Variants in VDAC1 observed in about 807,000 individuals in gnomAD.
The protein encoded by VDAC1 is non-selective voltage-gated ion channel VDAC1.
In VDAC1, 10 loss-of-function variants were observed where a neutral mutation model predicts 34.7. That is an observed-to-expected ratio of 0.29 (90% CI 0.18 to 0.49). The LOEUF is 0.49. VDAC1 is among the 20% of genes least tolerant of loss of function. VDAC1 has a pLI of 0.99. For missense variants in VDAC1, 230 were observed against 347.9 expected (o/e 0.66, Z 2.69); for synonymous variants, 130 against 136.0 (o/e 0.96, Z 0.30).
At chr5:134,083,809 C>T in the VDAC1 span, among the ~76,000 whole-genome samples, 1 of 152,238 alleles carries the variant, frequency 6.6e-6, no homozygotes, top group Non-Finnish European at 1.5e-5. Context: ...AGAGGACAGA[C>T]ACTTAGCAGA....
the VDAC1 span, among the ~76,000 whole-genome samples, chr5:134,054,457 C>T: frequency 1.5e-5 from 1 of 66,934 alleles, no homozygotes; most frequent in Non-Finnish European, 2.6e-5. Flanking sequence ...TTCCTTCCTT[C>T]CTTTTTTTTT....
the VDAC1 span, among the ~76,000 whole-genome samples, chr5:134,043,824 C>T: frequency 4.6e-5 from 7 of 152,140 alleles, no homozygotes; most frequent in African/African-American, 7.2e-5. Context: ...TGAGCCACCG[C>T]GCCCAGCCTA....
At chr5:134,032,603 C>G in the VDAC1 span, among the ~76,000 whole-genome samples, 1 of 152,188 alleles carries the variant, frequency 6.6e-6, no homozygotes, top group East Asian at 1.9e-4. Context: ...TATGACCCCA[C>G]AATGGAGTAG....
the VDAC1 span, among the ~76,000 whole-genome samples, chr5:134,062,980 T>G: frequency 6.6e-6 from 1 of 152,210 alleles, no homozygotes; most frequent in African/African-American, 2.4e-5. Context: ...CTTGAATAAT[T>G]TGGCAAAAAT....
chr5:134,012,863 C>A, the VDAC1 span, among the ~76,000 whole-genome samples: 2 of 152,090 alleles, frequency 1.3e-5, no homozygotes, highest in Non-Finnish European at 2.9e-5. Flanking sequence ...CTACAATAAC[C>A]CAAACAGCAT....
the VDAC1 span, among the ~76,000 whole-genome samples, chr5:134,074,550 C>A: frequency 2.0e-5 from 3 of 151,624 alleles, no homozygotes; most frequent in African/African-American, 4.8e-5. Flanking sequence ...AAGTCCAGGG[C>A]AGAGGTTTGG....
chr5:134,037,115 A>C, the VDAC1 span, among the ~76,000 whole-genome samples: 12 of 152,218 alleles, frequency 7.9e-5, no homozygotes, highest in African/African-American at 2.9e-4. Context: ...CACAGCACAA[A>C]CAGGCAACCA....
At chr5:134,058,907 A>G in the VDAC1 span, among the ~76,000 whole-genome samples, 2 of 152,206 alleles carry the variant, frequency 1.3e-5, no homozygotes, top group Non-Finnish European at 2.9e-5. Context: ...CCCTCTCCCC[A>G]GGAGCTGAGC....
intron 3 of VDAC1, 107 bp downstream of exon 3, chr5:133,992,199 G>A: frequency 1.3e-6 from 1 of 783,376 alleles, no homozygotes; most frequent in Non-Finnish European, 1.7e-6. Flanking sequence ...TCACGCCATT[G>A]TACTCCAGCC....
chr5:134,111,581 T>G, the VDAC1 span, among the ~76,000 whole-genome samples: 1 of 151,944 alleles, frequency 6.6e-6, no homozygotes, highest in Admixed American at 6.6e-5. Flanking sequence ...AAGGGAGAGA[T>G]TCTAGGCCCT....
At chr5:134,000,112 C>T (rs756733219) in intron 1 of VDAC1, among the ~76,000 whole-genome samples, 2 of 152,104 alleles carry the variant, frequency 1.3e-5, no homozygotes, top group Non-Finnish European at 2.9e-5. Context: ...CACACATGCA[C>T]GCATGCACAC....
the VDAC1 span, among the ~76,000 whole-genome samples, chr5:134,010,471 G>A: frequency 1.4e-4 from 21 of 152,058 alleles, no homozygotes; most frequent in Admixed American, 2.6e-4. Flanking sequence ...AGTGGTAGGC[G>A]CCTGTAATCC....
chr5:134,086,954 A>G, the VDAC1 span, among the ~76,000 whole-genome samples: 1 of 152,326 alleles, frequency 6.6e-6, no homozygotes, highest in East Asian at 1.9e-4. Flanking sequence ...CAGTTTCAAC[A>G]TCAAACCTGA....
the VDAC1 span, among the ~76,000 whole-genome samples, chr5:134,023,275 T>C: frequency 2.0e-5 from 3 of 151,326 alleles, no homozygotes; most frequent in African/African-American, 7.3e-5. Context: ...AGTTGAACAA[T>C]AGGAACACAT....
chr5:134,002,089 C>T (rs1487265443), intron 1 of VDAC1, among the ~76,000 whole-genome samples: 2 of 151,232 alleles, frequency 1.3e-5, no homozygotes, highest in Admixed American at 6.6e-5. Context: ...TCACTACCAC[C>T]GAAGACACTA....
intron 7 of VDAC1, among the ~76,000 whole-genome samples, chr5:133,974,261 G>A (rs1274012375): frequency 1.3e-5 from 2 of 152,152 alleles, no homozygotes; most frequent in Non-Finnish European, 2.9e-5. Flanking sequence ...TGCAACATGA[G>A]ATTCCCTCAT....
chr5:134,080,099 G>C, the VDAC1 span, among the ~76,000 whole-genome samples: 1 of 152,228 alleles, frequency 6.6e-6, no homozygotes, highest in African/African-American at 2.4e-5. Context: ...TCCATGTAGA[G>C]AGGCCACAAG....
intron 1 of VDAC1, among the ~76,000 whole-genome samples, chr5:134,003,817 TG>T (rs1753650741): frequency 6.6e-6 from 1 of 152,258 alleles, no homozygotes; most frequent in Non-Finnish European, 1.5e-5. Context: ...AACGAAGGTA[TG>T]GGGACTTCCC....
the VDAC1 span, among the ~76,000 whole-genome samples, chr5:134,075,429 AGAC>A: frequency 1.3e-5 from 2 of 152,208 alleles, no homozygotes; most frequent in South Asian, 4.1e-4. Flanking sequence ...ACTACTATTC[AGAC>A]TACTATTCAC....
Sources: gnomAD v4.1 joint callset for allele counts (sites outside exome capture counted in the v4.1 genomes callset) on GRCh38, gnomAD v4.1.1 for gene constraint, MANE v1.5 for transcripts, NCBI Gene and HGNC (gene_info 2026-07-23, HGNC 2026-07-21) for gene names.